The following DAAM1 variants were observed in gnomAD, a reference collection of about 807,000 sequenced individuals.
The protein encoded by DAAM1 is dishevelled associated activator of morphogenesis 1.
In DAAM1, 52 loss-of-function variants were observed where a neutral mutation model predicts 130.0. The observed-to-expected ratio is 0.40, with a 90% CI of 0.32 to 0.50. The LOEUF (loss-of-function observed/expected upper bound fraction) is 0.50. Ranked by LOEUF, DAAM1 falls within the 20% of genes least tolerant of loss-of-function variation. The pLI is 0.61. For synonymous variants in DAAM1, 452 were observed against 444.5 expected (o/e 1.02, Z -0.21); for missense variants, 1,134 against 1,303.8 (o/e 0.87, Z 2.01).
intron 2 of DAAM1, among the ~76,000 whole-genome samples, chr14:59,266,333 G>A (rs1882440767): frequency 1.3e-5 from 2 of 152,164 alleles, no homozygotes; most frequent in Non-Finnish European, 2.9e-5. Flanking sequence ...CTGGTAGGCA[G>A]AGCTGGCACC....
intron 2 of DAAM1, among the ~76,000 whole-genome samples, chr14:59,274,310 TTA>T (rs1428310428): frequency 1.3e-5 from 2 of 152,176 alleles, no homozygotes; most frequent in African/African-American, 2.4e-5. Context: ...GTATATATAT[TTA>T]TGTTATGTAT....
chr14:59,288,627 G>A (rs1349185357), intron 2 of DAAM1, among the ~76,000 whole-genome samples: 1 of 152,138 alleles, frequency 6.6e-6, no homozygotes, highest in East Asian at 1.9e-4. Context: ...AGGCATGCAT[G>A]CAACCAATAT....
In DAAM1 at chr14:59,189,488, C is replaced by T. The variant is rs569236716; in HGVS notation, c.-38+720C>T. Among the ~76,000 whole-genome samples, 528 of 152,276 alleles carry T rather than the reference C, an allele frequency of 3.5e-3. 8 individuals carry two copies. The highest frequency in any genetic ancestry group is 0.011 in the African/African-American group (468 of 41,552). On this transcript the variant is annotated intron_variant, in intron 1 of 24. Transcript: ENST00000360909. The stretch of plus-strand genomic sequence containing the variant: ...AGGCACCGCAGAGGGCTTTTGCCGC[C>T]CGTCCCTCTCGGGAGGGCGCATCTC...
At chr14:59,290,767 T>G (rs1312480083) in intron 2 of DAAM1, among the ~76,000 whole-genome samples, 1 of 152,236 alleles carries the variant, frequency 6.6e-6, no homozygotes, top group Non-Finnish European at 1.5e-5. Context: ...TCGGCCTTTG[T>G]CTGTTTCTCC....
At chr14:59,287,959 A>C (rs1368439648) in intron 2 of DAAM1, among the ~76,000 whole-genome samples, 1 of 152,136 alleles carries the variant, frequency 6.6e-6, no homozygotes, top group African/African-American at 2.4e-5. Context: ...AGCACGGACC[A>C]TCAAAGCAAT....
At chr14:59,233,855 C>A (rs1889197649) in intron 1 of DAAM1, among the ~76,000 whole-genome samples, 1 of 152,160 alleles carries the variant, frequency 6.6e-6, no homozygotes, top group East Asian at 1.9e-4. Context: ...ATATGGCTAG[C>A]CAGTTTTCCC....
chr14:59,313,438 A>G (rs1884668879), intron 3 of DAAM1, among the ~76,000 whole-genome samples: 1 of 152,258 alleles, frequency 6.6e-6, no homozygotes, highest in African/African-American at 2.4e-5. Context: ...TCGCATTATT[A>G]AAACATTTCC....
chr14:59,266,318 T>C (rs1882439740), intron 2 of DAAM1, among the ~76,000 whole-genome samples: 1 of 151,450 alleles, frequency 6.6e-6, no homozygotes, highest in Admixed American at 6.6e-5. Flanking sequence ...TCAGTGGTAG[T>C]AGAGCTGGTA....
intron 2 of DAAM1, among the ~76,000 whole-genome samples, chr14:59,277,477 T>TA (rs200987295): frequency 6.8e-4 from 102 of 150,392 alleles, no homozygotes; most frequent in African/African-American, 1.8e-3. Flanking sequence ...TTCTTAATAA[T>TA]AAAAAAAAAT....
Position 59,368,696 on chromosome 14 carries a change from A to G in DAAM1, c.3044A>G (p.Glu1015Gly). Residue 1015 changes from glutamate to glycine, a missense_variant, in exon 25 of 25, where the codon GAG becomes GGG. Glu to Gly is a moderately conservative substitution (Grantham distance 98). Transcript: ENST00000360909. ...ERERKMRKAK[E>G]NSEESGEFDD... ...GAACGTAAAATGAGAAAAGCTAAAGAGAATAGTGAAGAAAGCGGAGAGTTT... is the reference window on the plus strand; with the variant it reads ...GAACGTAAAATGAGAAAAGCTAAAGGGAATAGTGAAGAAAGCGGAGAGTTT... 3.1e-6 allele frequency: 5 copies of G among 1,613,868 alleles called. No individual in the cohort carries two copies. The highest frequency in any genetic ancestry group is 3.4e-6 in the Non-Finnish European group (4 of 1,179,814).
At chr14:59,301,725 T>A (rs1884179432) in intron 3 of DAAM1, among the ~76,000 whole-genome samples, 1 of 152,180 alleles carries the variant, frequency 6.6e-6, no homozygotes, top group African/African-American at 2.4e-5. Flanking sequence ...TTATAAAGAT[T>A]TTGAGACTCT....
chr14:59,316,648 T>A (rs1594817720), intron 4 of DAAM1, among the ~76,000 whole-genome samples: 1 of 152,368 alleles, frequency 6.6e-6, no homozygotes. Flanking sequence ...ATGAATATGC[T>A]AACAGAATGT....
intron 13 of DAAM1, 53 bp downstream of exon 13, chr14:59,330,741 G>C (rs1885396608): frequency 1.3e-6 from 2 of 1,523,538 alleles, no homozygotes; most frequent in Non-Finnish European, 1.8e-6. Flanking sequence ...ACTGACCCTA[G>C]AGCCCCTCAC....
chr14:59,354,950 G>A lies in DAAM1; in HGVS notation c.2357-215G>A, dbSNP rs566799949. Among the ~76,000 whole-genome samples, 7 of 152,308 alleles carry A rather than the reference G, an allele frequency of 4.6e-5. No homozygotes were observed. The South Asian group carries it at 1.5e-3, about 32-fold the overall frequency. ...AGGATAGGATTTTGCAGCTGTCTAT[G>A]GGTGTTGGTAACAACTTGAGTTGGC... On this transcript the variant is annotated intron_variant, in intron 19 of 24. Coordinates refer to ENST00000360909, the MANE Select transcript of DAAM1 (RefSeq NM_001270520.2).
intron 16 of DAAM1, among the ~76,000 whole-genome samples, chr14:59,345,700 A>T (rs1458896863): frequency 6.6e-6 from 1 of 152,138 alleles, no homozygotes; most frequent in South Asian, 2.1e-4. Flanking sequence ...CCTCACCTTC[A>T]TCTGCAAGCC....
In DAAM1 at chr14:59,368,744, G is replaced by A. The variant is rs759867723; in HGVS notation, c.3092G>A (p.Arg1031His). ...TTTGATGACCTTGTTTCAGCTTTAC[G>A]CTCAGGAGAAGTGTTTGACAAAGAC... Reference protein sequence around the residue: ...GEFDDLVSALRSGEVFDKDLS... With the variant: ...GEFDDLVSALHSGEVFDKDLS... The change falls in exon 25 of 25, where the codon CGC becomes CAC. Residue 1031 changes from arginine to histidine, a missense_variant. Physicochemically the swap from Arg to His is conservative, Grantham distance 29. Coordinates refer to ENST00000360909, the MANE Select transcript of DAAM1 (RefSeq NM_001270520.2). 17 of 1,613,858 alleles carry A rather than the reference G, an allele frequency of 1.1e-5. No homozygotes were observed. The highest frequency in any genetic ancestry group is 1.6e-4 in the Middle Eastern group (1 of 6,084).
chr14:59,214,371 G>A (rs944632344), intron 1 of DAAM1, among the ~76,000 whole-genome samples: 5 of 152,226 alleles, frequency 3.3e-5, no homozygotes, highest in Admixed American at 1.3e-4. Context: ...GACCCCTGAC[G>A]TGCTTCTTTC....
intron 3 of DAAM1, among the ~76,000 whole-genome samples, chr14:59,311,965 C>T (rs1884615935): frequency 6.6e-6 from 1 of 152,164 alleles, no homozygotes; most frequent in Non-Finnish European, 1.5e-5. Context: ...TCCCAAAGTG[C>T]CGGGATTACA....
chr14:59,204,037 A>G (rs567657938), intron 1 of DAAM1, among the ~76,000 whole-genome samples: 3 of 152,386 alleles, frequency 2.0e-5, no homozygotes, highest in East Asian at 3.9e-4. Context: ...TGATGGGATC[A>G]TAAACCCATG....
Sources: gnomAD v4.1 joint callset for allele counts (sites outside exome capture counted in the v4.1 genomes callset) on GRCh38, gnomAD v4.1.1 for gene constraint, MANE v1.5 for transcripts, NCBI Gene and HGNC (gene_info 2026-07-23, HGNC 2026-07-21) for gene names.